The following PPFIBP1 variants were observed in gnomAD, a reference collection of about 807,000 sequenced individuals.
The protein encoded by PPFIBP1 is liprin-beta-1.
Under a neutral mutation model 137.8 loss-of-function variants are expected in PPFIBP1, and 112 were observed. The ratio of observed to expected loss-of-function variants is 0.81; its 90% CI spans 0.70 to 0.95. The LOEUF (loss-of-function observed/expected upper bound fraction) is 0.95, where lower values mean the gene tolerates loss of function less well. Ranked by LOEUF, PPFIBP1 falls within the 40% of genes least tolerant of loss-of-function variation. The pLI, the probability that PPFIBP1 is intolerant of heterozygous loss-of-function variation, is 0.00. For missense variants in PPFIBP1, 1,083 were observed against 1,196.6 expected (o/e 0.91, Z 1.40); for synonymous variants, 378 against 417.3 (o/e 0.91, Z 1.15).
chr12:27,661,595 GCAGGCAGCCGCAGCTGTGTT>G (rs1444746303), intron 11 of PPFIBP1, among the ~76,000 whole-genome samples: 9 of 152,176 alleles, frequency 5.9e-5, no homozygotes, highest in African/African-American at 2.2e-4. Context: ...CACGTATCTA[GCAGGCAGCCGCAGCTGTGTT>G]CAGCTGATGT....
rs774424795 is a variant in PPFIBP1 at position 27,654,762 on chromosome 12, G to A, written c.644G>A (p.Ser215Asn). 22 of 1,611,906 alleles carry A rather than the reference G, an allele frequency of 1.4e-5. No individual in the cohort carries two copies. The highest frequency in any genetic ancestry group is 1.8e-5 in the Non-Finnish European group (21 of 1,179,556). The change falls in exon 8 of 30, where the codon AGT becomes AAT. Residue 215 changes from serine to asparagine, a missense_variant. Transcript: ENST00000228425. ...QEINDLRLKV[S>N]EMDSERLQYE... ...ATCAATGATTTGAGGTTAAAAGTTAGTGAAATGGACAGTGAGAGACTTCAG... is the reference window on the plus strand; with the variant it reads ...ATCAATGATTTGAGGTTAAAAGTTAATGAAATGGACAGTGAGAGACTTCAG...
chr12:27,694,686 T>C lies in PPFIBP1; in HGVS notation c.*1804T>C, dbSNP rs1311575179. On this transcript the variant is annotated 3_prime_UTR_variant, in exon 30 of 30. Transcript: ENST00000228425. The stretch of plus-strand genomic sequence containing the variant: ...AAGAAAATCGCTGCAGCAAAAACTG[T>C]TACTGTGTTTATTATATTTGTAGAA... 6.6e-6 allele frequency: 1 copy of C among 152,208 alleles called. No homozygotes were observed. The highest frequency in any genetic ancestry group is 1.5e-5 in the Non-Finnish European group (1 of 68,042). The allele number at this position is 152,208 out of a possible 1,614,324, so 9.4% of individuals were successfully genotyped here.
At chr12:27,597,567 G>T (rs2053464349) in intron 2 of PPFIBP1, among the ~76,000 whole-genome samples, 1 of 152,156 alleles carries the variant, frequency 6.6e-6, no homozygotes, top group Admixed American at 6.5e-5. Context: ...AACTCTGGGG[G>T]CCTAAAAAAC....
At chr12:27,540,769 T>C (rs916832757) in intron 1 of PPFIBP1, among the ~76,000 whole-genome samples, 2 of 152,236 alleles carry the variant, frequency 1.3e-5, no homozygotes, top group African/African-American at 4.8e-5. Flanking sequence ...TTTGTTTTTC[T>C]TTTTAATGTA....
At chr12:27,619,227 C>T (rs1035610824) in intron 2 of PPFIBP1, among the ~76,000 whole-genome samples, 3 of 152,006 alleles carry the variant, frequency 2.0e-5, no homozygotes, top group Non-Finnish European at 4.4e-5. Flanking sequence ...AAAATGGCAT[C>T]GAATTTGCCT....
At chr12:27,679,671 C>T in intron 20 of PPFIBP1, 32 bp downstream of exon 20, 1 of 1,605,916 alleles carries the variant, frequency 6.2e-7, no homozygotes, top group Non-Finnish European at 8.5e-7. Flanking sequence ...TGGAATGGGC[C>T]CTGTCTTACA....
intron 2 of PPFIBP1, among the ~76,000 whole-genome samples, chr12:27,587,408 G>A (rs1327063897): frequency 6.6e-6 from 1 of 152,034 alleles, no homozygotes; most frequent in Non-Finnish European, 1.5e-5. Context: ...GATCACGGAG[G>A]TCAGGAGATC....
chr12:27,691,981 A>G (rs2061575347), intron 28 of PPFIBP1, 53 bp downstream of exon 28: 1 of 1,454,906 alleles, frequency 6.9e-7, no homozygotes, highest in African/African-American at 1.4e-5. Flanking sequence ...TTCAGACACT[A>G]AATGGGAACT....
intron 1 of PPFIBP1, among the ~76,000 whole-genome samples, chr12:27,557,116 A>C (rs2048759882): frequency 6.6e-6 from 1 of 152,206 alleles, no homozygotes; most frequent in African/African-American, 2.4e-5. Context: ...AGGGGGTGTC[A>C]GCTTTAGAAA....
At chr12:27,692,712 C>G in intron 29 of PPFIBP1, 56 bp downstream of exon 29, 1 of 1,613,766 alleles carries the variant, frequency 6.2e-7, no homozygotes, top group Non-Finnish European at 8.5e-7. Context: ...TTATAACAAC[C>G]CCAAAGGACC....
At chr12:27,575,277 C>T (rs530531704) in intron 1 of PPFIBP1, among the ~76,000 whole-genome samples, 124 of 152,230 alleles carry the variant, frequency 8.1e-4, no homozygotes, top group Middle Eastern at 3.4e-3. Context: ...AGGTGGCAGA[C>T]CCACATTTGG....
chr12:27,609,575 G>A (rs535563264), intron 2 of PPFIBP1, among the ~76,000 whole-genome samples: 236 of 152,242 alleles, frequency 1.6e-3, no homozygotes, highest in African/African-American at 5.5e-3. Flanking sequence ...TGTATAAGAC[G>A]CAGGGAGATT....
rs759863487 is a variant in PPFIBP1 at position 27,682,371 on chromosome 12, A to G, written c.2047-16A>G. On this transcript the variant is annotated splice_polypyrimidine_tract_variant and intron_variant, in intron 22 of 29. Transcript: ENST00000228425. ...CTATACAGATAGAATTATAAAGTCAATGTTTATTGTTTCAGGAACTTGGAA... is the reference window on the plus strand; with the variant it reads ...CTATACAGATAGAATTATAAAGTCAGTGTTTATTGTTTCAGGAACTTGGAA... The G allele has an allele frequency of 6.4e-7, 1 of 1,560,216 alleles. No individual in the cohort carries two copies. The highest frequency in any genetic ancestry group is 8.8e-7 in the Non-Finnish European group (1 of 1,131,634).
At chr12:27,592,779 G>T in intron 2 of PPFIBP1, 1 of 763,460 alleles carries the variant, frequency 1.3e-6, no homozygotes, top group Non-Finnish European at 2.3e-6. Flanking sequence ...ATGTTAGGTA[G>T]GCGTAACCAT....
chr12:27,649,908 C>T, intron 6 of PPFIBP1, 102 bp from the exon 7 acceptor site: 1 of 1,058,140 alleles, frequency 9.5e-7, no homozygotes, highest in Non-Finnish European at 1.3e-6. Context: ...TCACTATATC[C>T]TCTACTTGAT....
chr12:27,627,031 G>T (rs2056876084), intron 2 of PPFIBP1, among the ~76,000 whole-genome samples: 1 of 152,098 alleles, frequency 6.6e-6, no homozygotes, highest in African/African-American at 2.4e-5. Flanking sequence ...TTTGATACAG[G>T]CATACATCAC....
chr12:27,652,632 G>GT (rs2058941503), intron 7 of PPFIBP1, among the ~76,000 whole-genome samples: 1 of 152,144 alleles, frequency 6.6e-6, no homozygotes, highest in Non-Finnish European at 1.5e-5. Context: ...TAGTTGAGTA[G>GT]TTTTTTGTTA....
Position 27,681,679 on chromosome 12 carries a change from C to G in PPFIBP1, c.2029C>G (p.Gln677Glu), listed in dbSNP as rs1293775276. ...ASGQTLLQAS[Q>E]QDLEKELGIK... ...TGGCCAAACGCTTTTGCAGGCTTCT[C>G]AACAAGATCTAGAGAAGGTGACTGC... The change falls in exon 22 of 30, where the codon CAA becomes GAA. Residue 677 changes from glutamine to glutamate, a missense_variant. Transcript: ENST00000228425. 1.2e-6 allele frequency: 2 copies of G among 1,614,082 alleles called. No individual in the cohort carries two copies. Among genetic ancestry groups the G allele is most frequent in the Admixed American group, 1.7e-5 (1 of 60,018 alleles).
chr12:27,534,144 A>C (rs1237849972), intron 1 of PPFIBP1, among the ~76,000 whole-genome samples: 1 of 152,178 alleles, frequency 6.6e-6, no homozygotes, highest in African/African-American at 2.4e-5. Context: ...ATATTAAAAG[A>C]AGAAAAAGGG....
Sources: allele counts gnomAD v4.1 joint callset (sites outside exome capture counted in the v4.1 genomes callset), GRCh38; gene constraint gnomAD v4.1.1; transcripts MANE v1.5; gene names NCBI Gene and HGNC (gene_info 2026-07-23, HGNC 2026-07-21).